Variants in GSG1L observed in about 807,000 individuals in gnomAD.
The protein encoded by GSG1L is germ cell-specific gene 1-like protein.
A neutral mutation model predicts 42.1 loss-of-function variants in GSG1L; 24 were observed. The observed-to-expected ratio is 0.57, with a 90% CI of 0.41 to 0.80. GSG1L has a LOEUF of 0.80. GSG1L is among the 30% of genes least tolerant of loss of function. The pLI, the probability that GSG1L is intolerant of heterozygous loss-of-function variation, is 0.00. For synonymous variants in GSG1L, 215 were observed against 203.5 expected, an observed-to-expected ratio of 1.06 and a Z score of -0.48; for missense variants, 445 against 472.2, an observed-to-expected ratio of 0.94 and a Z score of 0.53.
In GSG1L at chr16:27,788,457, TAAG is replaced by T. The variant is rs2082715729; in HGVS notation, c.*2910_*2912del. ...GCCCCAGGGTAAACTCTAAGCTCCC[TAAG>T]AAGGTTTCCAGTTCCTCCTGGCCTG... On this transcript the variant is annotated 3_prime_UTR_variant, in exon 7 of 7. Coordinates refer to ENST00000447459, the MANE Select transcript of GSG1L (RefSeq NM_001109763.2). 1 of 152,284 alleles carries T rather than the reference TAAG, an allele frequency of 6.6e-6. No individual in the cohort carries two copies. Among genetic ancestry groups the T allele is most frequent in the Admixed American group, 6.5e-5 (1 of 15,290 alleles). The allele number at this position is 152,284 out of a possible 1,614,324, so 9.4% of individuals were successfully genotyped here. A position where few individuals can be genotyped will look rare whatever the true frequency, so the allele number is the denominator to read the frequency against.
At chr16:28,046,565 AG>A (rs1016391269) in intron 1 of GSG1L, among the ~76,000 whole-genome samples, 2 of 152,020 alleles carry the variant, frequency 1.3e-5, no homozygotes, top group Admixed American at 1.3e-4. Flanking sequence ...CGTGTTAGCC[AG>A]GATGGTCTCG....
intron 1 of GSG1L, among the ~76,000 whole-genome samples, 155 bp downstream of exon 1, chr16:28,062,921 C>T (rs2086359525): frequency 6.6e-6 from 1 of 151,998 alleles, no homozygotes; most frequent in African/African-American, 2.4e-5. Flanking sequence ...CGGCGCGCGC[C>T]CCCTGCCCCG....
At chr16:27,823,997 G>A (rs2083178783) in intron 5 of GSG1L, 2 of 700,154 alleles carry the variant, frequency 2.9e-6, no homozygotes, top group Non-Finnish European at 5.2e-6. Context: ...GGTATTTAGA[G>A]GAGAGCCTTA....
intron 3 of GSG1L, among the ~76,000 whole-genome samples, chr16:27,866,682 C>T (rs564627233): frequency 3.3e-5 from 5 of 152,142 alleles, no homozygotes; most frequent in East Asian, 1.9e-4. Flanking sequence ...AGCCATTTTC[C>T]TGCCTCAACC....
At chr16:28,020,730 G>C in intron 1 of GSG1L, among the ~76,000 whole-genome samples, 1 of 152,186 alleles carries the variant, frequency 6.6e-6, no homozygotes, top group East Asian at 1.9e-4. Context: ...CTTCTTGCTA[G>C]GGCTTTTGGA....
At chr16:27,990,988 T>G (rs8062643) in intron 1 of GSG1L, among the ~76,000 whole-genome samples, 12,757 of 152,304 alleles carry the variant, frequency 0.084, 1,687 homozygotes, top group African/African-American at 0.28. Flanking sequence ...AAAGAGTCTA[T>G]GTGGTCAATC....
At chr16:27,961,701 T>A (rs867594173) in intron 2 of GSG1L, among the ~76,000 whole-genome samples, 3 of 152,210 alleles carry the variant, frequency 2.0e-5, no homozygotes, top group African/African-American at 7.2e-5. Flanking sequence ...TGATCTCAAT[T>A]TGGAAGCTGT....
chr16:27,816,724 C>A (rs2083097877), intron 5 of GSG1L, among the ~76,000 whole-genome samples: 1 of 152,112 alleles, frequency 6.6e-6, no homozygotes, highest in Non-Finnish European at 1.5e-5. Flanking sequence ...CCTTCGTGAG[C>A]AGTCCTGGTA....
chr16:27,914,543 T>TTTTTG (rs2084429388), intron 2 of GSG1L, among the ~76,000 whole-genome samples: 1 of 150,616 alleles, frequency 6.6e-6, no homozygotes, highest in African/African-American at 2.4e-5. Context: ...TTTTTTTTTT[T>TTTTTG]GACAAGATCT....
chr16:27,837,272 A>G (rs1030783418), intron 4 of GSG1L, among the ~76,000 whole-genome samples: 1 of 152,234 alleles, frequency 6.6e-6, no homozygotes, highest in African/African-American at 2.4e-5. Context: ...TCACAAGAAC[A>G]GCATGGGGAA....
At chr16:27,892,176 C>T (rs373537287) in intron 2 of GSG1L, among the ~76,000 whole-genome samples, 3 of 152,006 alleles carry the variant, frequency 2.0e-5, no homozygotes, top group East Asian at 1.9e-4. Context: ...AAAATGAGGC[C>T]GAATGCAGTA....
At chr16:27,899,614 G>T (rs2084234038) in intron 2 of GSG1L, among the ~76,000 whole-genome samples, 1 of 152,290 alleles carries the variant, frequency 6.6e-6, no homozygotes, top group South Asian at 2.1e-4. Flanking sequence ...CCACTCAGGA[G>T]GCTGAAGCAG....
At chr16:27,807,935 A>C (rs2082986420) in intron 5 of GSG1L, among the ~76,000 whole-genome samples, 1 of 152,272 alleles carries the variant, frequency 6.6e-6, no homozygotes, top group African/African-American at 2.4e-5. Context: ...TGAAAGGCAC[A>C]GAAATTATTT....
intron 2 of GSG1L, among the ~76,000 whole-genome samples, chr16:27,939,255 A>G (rs117229894): frequency 6.6e-6 from 1 of 152,184 alleles, no homozygotes; most frequent in East Asian, 1.9e-4. Context: ...CAGAGTAGCT[A>G]GGACCACAGG....
At chr16:27,799,063 C>T (rs1190472063) in intron 6 of GSG1L, among the ~76,000 whole-genome samples, 1 of 152,124 alleles carries the variant, frequency 6.6e-6, no homozygotes, top group Non-Finnish European at 1.5e-5. Context: ...GCAACAAGGT[C>T]CCTGTGCTGG....
intron 1 of GSG1L, among the ~76,000 whole-genome samples, chr16:28,013,271 G>C (rs2085744840): frequency 6.6e-6 from 1 of 152,134 alleles, no homozygotes; most frequent in South Asian, 2.1e-4. Context: ...GTGGATAATG[G>C]AGAGAGCCAA....
chr16:28,016,462 A>G (rs2085781809), intron 1 of GSG1L, among the ~76,000 whole-genome samples: 1 of 152,012 alleles, frequency 6.6e-6, no homozygotes, highest in African/African-American at 2.4e-5. Flanking sequence ...TTTTATTAAG[A>G]TTGTTATTGA....
chr16:27,959,948 A>T (rs563638172), intron 2 of GSG1L, among the ~76,000 whole-genome samples: 1 of 152,340 alleles, frequency 6.6e-6, no homozygotes, highest in East Asian at 1.9e-4. Flanking sequence ...AAACTAGAAT[A>T]GTCAGGCAAA....
At chr16:27,865,523 CTATATATATATA>C (rs1172385916) in intron 3 of GSG1L, among the ~76,000 whole-genome samples, 5 of 58,268 alleles carry the variant, frequency 8.6e-5, no homozygotes, top group East Asian at 1.1e-3. Context: ...CTCTCTCTTT[CTATATATATATA>C]TATATATATA....
Sources: allele counts gnomAD v4.1 joint callset (sites outside exome capture counted in the v4.1 genomes callset), GRCh38; gene constraint gnomAD v4.1.1; transcripts MANE v1.5; gene names NCBI Gene and HGNC (gene_info 2026-07-23, HGNC 2026-07-21).